COMT: variants seen among roughly 807,000 people sequenced by gnomAD.
The protein encoded by COMT is catechol O-methyltransferase.
Under a neutral mutation model 18.9 loss-of-function variants are expected in COMT, and 13 were observed. That is an observed-to-expected ratio of 0.69 (90% CI 0.45 to 1.09). The LOEUF is 1.09. Among genes scored for constraint, COMT ranks in the 50% least tolerant of loss-of-function variants. The pLI is 0.00. For synonymous variants in COMT, 150 were observed against 160.9 expected (o/e 0.93, Z 0.51); for missense variants, 329 against 361.8 (o/e 0.91, Z 0.73).
intron 1 of COMT, among the ~76,000 whole-genome samples, chr22:19,950,261 T>TTTTTTTTTTTTTTTTTTTTTTG (rs763598655): frequency 6.0e-5 from 8 of 132,720 alleles, no homozygotes; most frequent in Non-Finnish European, 1.2e-4. Context: ...TTTTTTTTTT[T>TTTTTTTTTTTTTTTTTTTTTTG]TTCTGTAGAG....
chr22:19,952,625 C>A (rs1941967685), intron 1 of COMT, among the ~76,000 whole-genome samples: 1 of 140,784 alleles, frequency 7.1e-6, no homozygotes, highest in South Asian at 2.4e-4. Flanking sequence ...GGAGACAGAG[C>A]AAGACTCCGT....
intron 1 of COMT, among the ~76,000 whole-genome samples, chr22:19,954,884 C>T (rs1869211742): frequency 1.3e-5 from 2 of 152,198 alleles, no homozygotes; most frequent in Non-Finnish European, 2.9e-5. Flanking sequence ...CTGCCTCCTC[C>T]TTCCTCTCTG....
At position 19,941,839 on chromosome 22, in the gene COMT, C is replaced by G; in HGVS notation, c.-150C>G. 1 of 1,491,310 alleles carries G rather than the reference C, an allele frequency of 6.7e-7. No individual in the cohort carries two copies. Among genetic ancestry groups the G allele is most frequent in the Non-Finnish European group, 8.9e-7 (1 of 1,129,848 alleles). 92.4% of individuals were successfully genotyped at this position (1,491,310 alleles called of 1,614,324 possible). ...CTTCTGGGGCAGCTAGGGCTGCCCG[C>G]CGCGCTGCCTGCGCCGGACCGGGGC... On this transcript the variant is annotated 5_prime_UTR_variant, in exon 1 of 6. Coordinates refer to ENST00000361682, the MANE Select transcript of COMT (RefSeq NM_000754.4).
At position 19,957,672 on chromosome 22, in the gene COMT, C is replaced by T. The variant is rs183978931; in HGVS notation, c.-91-3527C>T. On this transcript the variant is annotated intron_variant, in intron 1 of 5. Transcript: ENST00000361682. ...CCCTCACACGTGCATCTGCATGTGGCGTGCATGTGGCAAGCATGTGCAGGT... is the reference window on the plus strand; with the variant it reads ...CCCTCACACGTGCATCTGCATGTGGTGTGCATGTGGCAAGCATGTGCAGGT... 2.3e-3 allele frequency among the ~76,000 whole-genome samples: 355 copies of T among 152,320 alleles called. 4 individuals are homozygous for T. The highest frequency in any genetic ancestry group is 1.2e-3 in the Non-Finnish European group (82 of 68,026).
intron 1 of COMT, among the ~76,000 whole-genome samples, chr22:19,957,925 T>G (rs1273072377): frequency 6.6e-6 from 1 of 152,204 alleles, no homozygotes; most frequent in Non-Finnish European, 1.5e-5. Context: ...CTACCATGTT[T>G]TATTATCCAT....
chr22:19,942,030 T>G, intron 1 of COMT, 133 bp downstream of exon 1: 2 of 402,384 alleles, frequency 5.0e-6, no homozygotes, highest in South Asian at 5.5e-5. Context: ...TGGGTGGGAG[T>G]CTCCGGACTT....
Position 19,969,925 on chromosome 22 carries a change from C to G in COMT, c.*1189C>G. ...TTTGCTGCTTTAATTTTTAAATTTT[C>G]TTACAAAAATTTAGGTGTTTACCAA... is the stretch of plus-strand genomic sequence containing the variant. On this transcript the variant is annotated 3_prime_UTR_variant, in exon 6 of 6. Transcript: ENST00000361682. 1.0e-6 allele frequency: 1 copy of G among 985,522 alleles called. No homozygotes were observed. The highest frequency in any genetic ancestry group is 1.7e-5 in the African/African-American group (1 of 57,374). The allele number at this position is 985,522 out of a possible 1,614,324, so 61.0% of individuals were successfully genotyped here. A position where few individuals can be genotyped will look rare whatever the true frequency, so the allele number is the denominator to read the frequency against.
At chr22:19,946,716 G>A (rs1437612314) in intron 1 of COMT, among the ~76,000 whole-genome samples, 3 of 152,072 alleles carry the variant, frequency 2.0e-5, no homozygotes, top group Non-Finnish European at 2.9e-5. Context: ...AGGAATGTTG[G>A]TTGTTTATGA....
chr22:19,943,690 T>G lies in COMT; in HGVS notation c.-92+1793T>G, dbSNP rs375951706. Reference sequence around the variant, plus strand: ...AAAAAAATAAAAAGAAAGAAAGAAATAAAAACAAAGATGAATGGAGCTGTT... The same window carrying G: ...AAAAAAATAAAAAGAAAGAAAGAAAGAAAAACAAAGATGAATGGAGCTGTT... On this transcript the variant is annotated intron_variant, in intron 1 of 5. Transcript: ENST00000361682. Among the ~76,000 whole-genome samples the G allele has an allele frequency of 1.9e-3, 288 of 151,620 alleles. 2 individuals carry two copies. The highest frequency in any genetic ancestry group is 6.4e-3 in the African/African-American group (263 of 41,394).
chr22:19,966,458 A>G (rs951752687), intron 5 of COMT, among the ~76,000 whole-genome samples: 1 of 151,398 alleles, frequency 6.6e-6, no homozygotes, highest in African/African-American at 2.4e-5. Context: ...AAAAAAAAGA[A>G]AAAGACAGAG....
intron 1 of COMT, among the ~76,000 whole-genome samples, chr22:19,949,750 A>C (rs1941896331): frequency 6.6e-6 from 1 of 152,170 alleles, no homozygotes; most frequent in Non-Finnish European, 1.5e-5. Context: ...GGCATGAGTC[A>C]CCACGCCCGG....
At chr22:19,949,388 C>T (rs563423268) in intron 1 of COMT, among the ~76,000 whole-genome samples, 9 of 152,130 alleles carry the variant, frequency 5.9e-5, no homozygotes, top group African/African-American at 7.2e-5. Flanking sequence ...AGGCTTTGTC[C>T]CATATTTTTC....
intron 1 of COMT, among the ~76,000 whole-genome samples, chr22:19,955,019 GTGT>G (rs1365561593): frequency 2.0e-5 from 3 of 152,130 alleles, no homozygotes; most frequent in Non-Finnish European, 2.9e-5. Flanking sequence ...TTTTATTGTG[GTGT>G]TGTTTTAGAG....
At chr22:19,961,675 C>T (rs1442722034) in intron 2 of COMT, 1 of 152,284 alleles carries the variant, frequency 6.6e-6, no homozygotes, top group Non-Finnish European at 1.5e-5. Context: ...GAAGAAGTTT[C>T]CTTGTGTCCT....
chr22:19,942,465 GA>G (rs1941753206), intron 1 of COMT, among the ~76,000 whole-genome samples: 1 of 152,150 alleles, frequency 6.6e-6, no homozygotes, highest in Non-Finnish European at 1.5e-5. Context: ...GCTCCACCAG[GA>G]AGGGGCCCAG....
intron 5 of COMT, among the ~76,000 whole-genome samples, chr22:19,968,331 C>T (rs977750623): frequency 6.6e-6 from 1 of 152,196 alleles, no homozygotes; most frequent in South Asian, 2.1e-4. Flanking sequence ...CCTGTCCTCA[C>T]GGGGCCCATG....
intron 1 of COMT, chr22:19,951,579 T>C (rs1333174854): frequency 1.3e-5 from 2 of 152,228 alleles, no homozygotes; most frequent in Non-Finnish European, 2.9e-5. Context: ...ATCCGAGGGT[T>C]GATCGGATGG....
At chr22:19,952,395 T>A (rs143083716) in intron 1 of COMT, among the ~76,000 whole-genome samples, 3,779 of 152,138 alleles carry the variant, frequency 0.025, 78 homozygotes, top group South Asian at 0.094. Context: ...ATCCCAGCAC[T>A]TTGGGAGGCC....
chr22:19,963,539 C>T lies in COMT; in HGVS notation c.290-27C>T, dbSNP rs778498490. ...TTCCCCTCTCTCCACCTGTGCTCAC[C>T]TCTCCTCCGTCCCCAACCCTGCACA... is the stretch of plus-strand genomic sequence containing the variant. On this transcript the variant is annotated intron_variant, in intron 3 of 5. Coordinates refer to ENST00000361682, the MANE Select transcript of COMT (RefSeq NM_000754.4). The T allele has an allele frequency of 4.4e-6, 7 of 1,608,496 alleles. No homozygotes were observed. In the Admixed American group the frequency reaches 1.0e-4, roughly 23 times the overall value.
Sources: allele counts gnomAD v4.1 joint callset (sites outside exome capture counted in the v4.1 genomes callset), GRCh38; gene constraint gnomAD v4.1.1; transcripts MANE v1.5; gene names NCBI Gene and HGNC (gene_info 2026-07-23, HGNC 2026-07-21).